FYN: variants seen among roughly 807,000 people sequenced by gnomAD.
FYN encodes FYN proto-oncogene, Src family tyrosine kinase, also known as tyrosine-protein kinase Fyn.
FYN carries 10 observed loss-of-function variants against 70.2 expected under a neutral mutation model. That is an observed-to-expected ratio of 0.14 (90% CI 0.09 to 0.24). The LOEUF (loss-of-function observed/expected upper bound fraction) is 0.24. Among genes scored for constraint, FYN ranks in the 10% least tolerant of loss-of-function variants. FYN has a pLI of 1.00. For missense variants in FYN, 319 were observed against 673.1 expected, an observed-to-expected ratio of 0.47 and a Z score of 5.82; for synonymous variants, 236 against 248.6, an observed-to-expected ratio of 0.95 and a Z score of 0.48.
At chr6:111,692,934 A>G (rs1291640273) in intron 12 of FYN, among the ~76,000 whole-genome samples, 1 of 152,224 alleles carries the variant, frequency 6.6e-6, no homozygotes. Flanking sequence ...GAGATACAGC[A>G]TGCCATCTGG....
At chr6:111,699,676 G>A (rs752113122) in intron 9 of FYN, 1 of 1,610,012 alleles carries the variant, frequency 6.2e-7, no homozygotes, top group South Asian at 1.1e-5. Context: ...TTTCTCTACA[G>A]GAAAGGGAAT....
intron 2 of FYN, among the ~76,000 whole-genome samples, chr6:111,835,512 C>G (rs963152889): frequency 1.3e-5 from 2 of 152,262 alleles, no homozygotes; most frequent in African/African-American, 4.8e-5. Flanking sequence ...GAGAACACAC[C>G]TGAACAAAGG....
rs1359936085 is a variant in FYN, at chr6:111,696,394, C to T, written c.925G>A (p.Glu309Lys). The change falls in exon 10 of 14, where the codon GAA (glutamate) becomes AAA (lysine). Residue 309 changes from glutamate (E) to lysine (K), a missense_variant. By Grantham distance (56) the Glu-to-Lys change is moderately conservative. This residue lies in a region of FYN where 112 missense variants were observed against 250.2 expected (regional missense o/e 0.45). Coordinates refer to ENST00000354650, the MANE Select transcript of FYN (RefSeq NM_002037.5). Reference sequence around the variant, plus strand: ...ATCTGCGCTTCCTCAAGGAATGATTCGGGGGACATTGTGCCTGGTTTAAGA... The same window carrying T: ...ATCTGCGCTTCCTCAAGGAATGATTTGGGGGACATTGTGCCTGGTTTAAGA... The part of the protein sequence containing the change: ...KTLKPGTMSP[E>K]SFLEEAQIMK... The T allele has an allele frequency of 6.2e-7, 1 of 1,613,098 alleles. No homozygotes were observed. The highest frequency in any genetic ancestry group is 1.1e-5 in the South Asian group (1 of 90,684).
chr6:111,745,414 C>T (rs1386072653), intron 3 of FYN, among the ~76,000 whole-genome samples: 1 of 152,114 alleles, frequency 6.6e-6, no homozygotes. Context: ...CTGAGTGGGG[C>T]CTGTGGGAAG....
chr6:111,721,133 C>T (rs1206904661), intron 3 of FYN, among the ~76,000 whole-genome samples: 11 of 152,188 alleles, frequency 7.2e-5, no homozygotes, highest in Non-Finnish European at 1.5e-4. Flanking sequence ...GTTAATAAGG[C>T]ACCGCTTCCT....
At chr6:111,732,924 C>T (rs541865142) in intron 3 of FYN, among the ~76,000 whole-genome samples, 1 of 152,176 alleles carries the variant, frequency 6.6e-6, no homozygotes, top group Non-Finnish European at 1.5e-5. Context: ...GACCCCAACA[C>T]GAGAGGCATG....
rs867007163 is a variant in FYN at position 111,700,010 on chromosome 6, C to T, written c.862+94G>A. On this transcript the variant is annotated intron_variant, in intron 9 of 13. Coordinates refer to ENST00000354650, the MANE Select transcript of FYN (RefSeq NM_002037.5). ...CTATTAGTAATTCAAACTTTCTTCC[C>T]GGTCACGCAGTCTTTATTTTCACCT... 6.2e-5 allele frequency: 70 copies of T among 1,135,406 alleles called. 2 individuals are homozygous for T. In the Middle Eastern group the frequency reaches 7.0e-3, roughly 114 times the overall value. The allele number at this position is 1,135,406 out of a possible 1,614,324, so 70.3% of individuals were successfully genotyped here.
At chr6:111,758,554 T>C (rs1298267309) in intron 3 of FYN, among the ~76,000 whole-genome samples, 5 of 152,220 alleles carry the variant, frequency 3.3e-5, no homozygotes, top group Non-Finnish European at 7.3e-5. Context: ...TATAGTTTCA[T>C]GGCAGTGAAA....
At chr6:111,678,876 C>A (rs775788482) in intron 12 of FYN, among the ~76,000 whole-genome samples, 5 of 152,170 alleles carry the variant, frequency 3.3e-5, no homozygotes, top group Admixed American at 6.5e-5. Flanking sequence ...TCTGTGCTCT[C>A]CTGCTTTGTC....
chr6:111,866,297 T>C (rs959306581), intron 1 of FYN, among the ~76,000 whole-genome samples: 17 of 152,180 alleles, frequency 1.1e-4, no homozygotes, highest in Admixed American at 3.3e-4. Context: ...CCCACACAGC[T>C]GGAAAGGGTC....
chr6:111,868,275 C>T (rs149001507), intron 1 of FYN, among the ~76,000 whole-genome samples: 2 of 152,274 alleles, frequency 1.3e-5, no homozygotes, highest in African/African-American at 4.8e-5. Context: ...GATCACATCT[C>T]TTTTGCCTTG....
At chr6:111,733,299 G>A (rs1415690190) in intron 3 of FYN, among the ~76,000 whole-genome samples, 1 of 152,078 alleles carries the variant, frequency 6.6e-6, no homozygotes, top group African/African-American at 2.4e-5. Flanking sequence ...AAGGAACCTT[G>A]GGCCCACAGA....
chr6:111,708,922 T>C (rs1192895528), intron 5 of FYN: 1 of 152,186 alleles, frequency 6.6e-6, no homozygotes, highest in Non-Finnish European at 1.5e-5. Context: ...TTCAAATTCA[T>C]CTGCTTAGAT....
intron 1 of FYN, among the ~76,000 whole-genome samples, chr6:111,866,761 A>G (rs1045732897): frequency 2.6e-5 from 4 of 152,234 alleles, no homozygotes; most frequent in African/African-American, 9.6e-5. Flanking sequence ...CCTCACGAGT[A>G]AAATGAACAT....
At chr6:111,741,802 A>G (rs887335950) in intron 3 of FYN, among the ~76,000 whole-genome samples, 2 of 152,234 alleles carry the variant, frequency 1.3e-5, no homozygotes, top group Admixed American at 6.5e-5. Flanking sequence ...GTGAAAACAC[A>G]GACCACTGGG....
At chr6:111,788,500 T>C (rs963354633) in intron 2 of FYN, among the ~76,000 whole-genome samples, 2 of 152,144 alleles carry the variant, frequency 1.3e-5, no homozygotes, top group African/African-American at 4.8e-5. Context: ...TTGAGTCTCA[T>C]TTTCGAAAGC....
chr6:111,852,880 T>A (rs1773722249), intron 1 of FYN, among the ~76,000 whole-genome samples: 1 of 152,224 alleles, frequency 6.6e-6, no homozygotes, highest in Admixed American at 6.5e-5. Flanking sequence ...TCATAGTGTG[T>A]AAAACCATTT....
chr6:111,821,820 G>A (rs577658554), intron 2 of FYN, among the ~76,000 whole-genome samples: 3 of 152,130 alleles, frequency 2.0e-5, no homozygotes, highest in Non-Finnish European at 4.4e-5. Context: ...GTGGGCGAAG[G>A]ATATGAACAG....
chr6:111,700,745 C>G (rs1040842455), intron 8 of FYN, among the ~76,000 whole-genome samples: 15 of 152,222 alleles, frequency 9.9e-5, no homozygotes, highest in South Asian at 2.1e-4. Flanking sequence ...TCTTCCCCAC[C>G]TTTAGTATCT....
Sources: allele counts gnomAD v4.1 joint callset (sites outside exome capture counted in the v4.1 genomes callset), GRCh38; gene constraint gnomAD v4.1.1; regional missense constraint gnomAD v4.1.1; transcripts MANE v1.5; gene names NCBI Gene and HGNC (gene_info 2026-07-23, HGNC 2026-07-21).